The following ELMO1 variants were observed in gnomAD, a reference collection of about 807,000 sequenced individuals.
The protein encoded by ELMO1 is engulfment and cell motility protein 1.
In ELMO1, 26 loss-of-function variants were observed where a neutral mutation model predicts 98.9. The ratio of observed to expected loss-of-function variants is 0.26; its 90% confidence interval spans 0.19 to 0.36. The LOEUF (loss-of-function observed/expected upper bound fraction) is 0.36, where lower values mean the gene tolerates loss of function less well. Among genes scored for constraint, ELMO1 ranks in the 10% least tolerant of loss-of-function variants. ELMO1 has a pLI of 1.00. For synonymous variants in ELMO1, 346 were observed against 346.0 expected (o/e 1.00, Z 0.00); for missense variants, 627 against 935.2 (o/e 0.67, Z 4.30).
intron 5 of ELMO1, among the ~76,000 whole-genome samples, chr7:37,266,141 C>G (rs1237540236): frequency 6.6e-6 from 1 of 152,154 alleles, no homozygotes; most frequent in Admixed American, 6.6e-5. Flanking sequence ...CCACTGGCTT[C>G]TTCTCCCATA....
At chr7:37,014,174 C>A (rs1233539126) in intron 15 of ELMO1, among the ~76,000 whole-genome samples, 2 of 152,052 alleles carry the variant, frequency 1.3e-5, no homozygotes, top group Non-Finnish European at 2.9e-5. Context: ...CTCTCCTCCT[C>A]CTCCTCCTCC....
At chr7:37,259,149 C>T (rs767556856) in intron 6 of ELMO1, 32 bp downstream of exon 6, 4 of 1,588,520 alleles carry the variant, frequency 2.5e-6, no homozygotes, top group Non-Finnish European at 3.4e-6. Flanking sequence ...ACACGCAGGA[C>T]AGCTGTGGAA....
chr7:37,075,891 T>C (rs1355895688), intron 15 of ELMO1, among the ~76,000 whole-genome samples: 1 of 152,194 alleles, frequency 6.6e-6, no homozygotes, highest in Non-Finnish European at 1.5e-5. Context: ...AAAAAATGTG[T>C]AATGCATTCA....
At position 37,342,579 on chromosome 7, in the gene ELMO1, G is replaced by A; in HGVS notation, c.78+34C>T. On this transcript the variant is annotated intron_variant, in intron 2 of 21. Coordinates refer to ENST00000310758, the MANE Select transcript of ELMO1 (RefSeq NM_014800.11). This position sits in a 1 kb window ranked among gnomAD's most constrained non-coding sequence, Gnocchi z 4.3. ...AAAATTCCAGTATAGAAAGGAAACT[G>A]AAAATAGACACCCAATGCTGTCACG... The A allele has an allele frequency of 6.2e-7, 1 of 1,605,170 alleles. No homozygotes were observed. The highest frequency in any genetic ancestry group is 8.5e-7 in the Non-Finnish European group (1 of 1,171,904).
chr7:37,257,158 C>T (rs1795708901), intron 6 of ELMO1, among the ~76,000 whole-genome samples: 2 of 152,202 alleles, frequency 1.3e-5, no homozygotes, highest in Admixed American at 1.3e-4. Context: ...AGAGCTGGCC[C>T]CGCCTGGCTC....
intron 1 of ELMO1, among the ~76,000 whole-genome samples, chr7:37,406,256 A>G (rs1441435626): frequency 1.4e-5 from 2 of 140,368 alleles, no homozygotes; most frequent in Admixed American, 7.6e-5. Flanking sequence ...AATCTGCAAT[A>G]TTACTCTTTT....
At chr7:37,191,119 G>A (rs1322051759) in intron 13 of ELMO1, among the ~76,000 whole-genome samples, 1 of 149,210 alleles carries the variant, frequency 6.7e-6, no homozygotes, top group Non-Finnish European at 1.5e-5. Context: ...AACTCGGGAG[G>A]TGGAGCTTGC....
intron 13 of ELMO1, among the ~76,000 whole-genome samples, chr7:37,162,920 T>C (rs1360928426): frequency 2.0e-5 from 3 of 152,054 alleles, no homozygotes; most frequent in African/African-American, 7.2e-5. Context: ...TAATTAAGAG[T>C]AAAAAACAAA....
intron 6 of ELMO1, among the ~76,000 whole-genome samples, chr7:37,248,340 C>T (rs1795133610): frequency 6.6e-6 from 1 of 151,576 alleles, no homozygotes; most frequent in Admixed American, 6.6e-5. Flanking sequence ...TTTTTTTCGC[C>T]AACAGAAGAT....
chr7:37,050,650 AC>A (rs1243610833), intron 15 of ELMO1, among the ~76,000 whole-genome samples: 4 of 150,846 alleles, frequency 2.7e-5, no homozygotes, highest in South Asian at 4.2e-4. Flanking sequence ...ACACACACAC[AC>A]ACACACACAA....
intron 14 of ELMO1, among the ~76,000 whole-genome samples, chr7:37,113,075 G>T (rs1018603118): frequency 6.6e-6 from 1 of 152,198 alleles, no homozygotes; most frequent in Non-Finnish European, 1.5e-5. Context: ...TTTCTAATTT[G>T]GTTTTCACTC....
intron 15 of ELMO1, among the ~76,000 whole-genome samples, chr7:37,071,786 T>A (rs1797284648): frequency 6.6e-6 from 1 of 152,176 alleles, no homozygotes. Flanking sequence ...TAGATTAAAA[T>A]AAGAAAAATT....
intron 2 of ELMO1, among the ~76,000 whole-genome samples, chr7:37,323,365 C>A (rs902573546): frequency 1.3e-5 from 2 of 152,158 alleles, no homozygotes; most frequent in Non-Finnish European, 2.9e-5. Context: ...AAATTTCCTA[C>A]ACAAGAAGAT....
intron 13 of ELMO1, among the ~76,000 whole-genome samples, chr7:37,163,343 T>TG (rs1554430066): frequency 1.3e-5 from 2 of 149,848 alleles, no homozygotes; most frequent in African/African-American, 5.0e-5. Context: ...TGTTCTTTTT[T>TG]TTTTTTTTTA....
intron 5 of ELMO1, 38 bp from the exon 6 acceptor site, chr7:37,259,388 C>G: frequency 6.3e-7 from 1 of 1,593,926 alleles, no homozygotes. Flanking sequence ...TGTTGACAAA[C>G]GAAACCACAA....
intron 13 of ELMO1, among the ~76,000 whole-genome samples, chr7:37,144,242 T>C (rs1334265826): frequency 6.6e-6 from 1 of 152,130 alleles, no homozygotes; most frequent in Non-Finnish European, 1.5e-5. Context: ...ATGAACTATG[T>C]TCTCATTCTC....
At chr7:37,430,286 C>T (rs17171039) in intron 1 of ELMO1, among the ~76,000 whole-genome samples, 4,279 of 152,246 alleles carry the variant, frequency 0.028, 223 homozygotes, top group African/African-American at 0.098. Context: ...GTATCAGCCA[C>T]GCGTTACAGC....
intron 16 of ELMO1, among the ~76,000 whole-genome samples, chr7:36,955,996 G>C (rs777036559): frequency 2.0e-5 from 3 of 152,112 alleles, no homozygotes; most frequent in Non-Finnish European, 2.9e-5. Context: ...TAGACCACTC[G>C]ATGCTTTAGA....
Position 36,886,698 on chromosome 7 carries a change from G to A in ELMO1, c.1714+862C>T, listed in dbSNP as rs992845213. On this transcript the variant is annotated intron_variant, in intron 18 of 21. Transcript: ENST00000310758. ...ACTCTAGCTGTGCAATCAGCAGCATGTCAAGAGAGCAAGAAAACAGTCAAG... is the reference window on the plus strand; with the variant it reads ...ACTCTAGCTGTGCAATCAGCAGCATATCAAGAGAGCAAGAAAACAGTCAAG... 7.2e-5 allele frequency among the ~76,000 whole-genome samples: 11 copies of A among 152,302 alleles called. No homozygotes were observed. The South Asian group carries it at 1.9e-3, about 26-fold the overall frequency.
Sources: gnomAD v4.1 joint callset for allele counts (sites outside exome capture counted in the v4.1 genomes callset) on GRCh38, gnomAD v4.1.1 for gene constraint, Gnocchi (gnomAD v3.1) non-coding constraint, MANE v1.5 for transcripts, NCBI Gene and HGNC (gene_info 2026-07-23, HGNC 2026-07-21) for gene names.